The following CADPS2 variants were observed in gnomAD, a reference collection of about 807,000 sequenced individuals.
CADPS2 encodes calcium dependent secretion activator 2.
In CADPS2, 93 loss-of-function variants were observed where a neutral mutation model predicts 172.5. The observed-to-expected ratio is 0.54, with a 90% CI of 0.46 to 0.64. CADPS2 has a LOEUF of 0.64. Ranked by LOEUF, CADPS2 falls within the 30% of genes least tolerant of loss-of-function variation. The pLI, the probability that CADPS2 is intolerant of heterozygous loss-of-function variation, is 0.00. For missense variants in CADPS2, 1,420 were observed against 1,565.9 expected (o/e 0.91, Z 1.57); for synonymous variants, 546 against 555.2 (o/e 0.98, Z 0.23).
chr7:122,399,842 ACG>A (rs2045711180), intron 20 of CADPS2, among the ~76,000 whole-genome samples: 2 of 149,612 alleles, frequency 1.3e-5, no homozygotes, highest in Non-Finnish European at 3.0e-5. Context: ...GCCCGCCACT[ACG>A]CCCGGCTAAC....
intron 27 of CADPS2, among the ~76,000 whole-genome samples, chr7:122,345,918 C>CTTTTTTTTTT (rs71159791): frequency 2.9e-5 from 4 of 138,754 alleles, no homozygotes; most frequent in Non-Finnish European, 3.1e-5. Flanking sequence ...CCGTAGATAT[C>CTTTTTTTTTT]TTTTTTTTTT....
intron 5 of CADPS2, among the ~76,000 whole-genome samples, chr7:122,620,670 T>A (rs983327272): frequency 6.6e-6 from 1 of 152,164 alleles, no homozygotes; most frequent in Admixed American, 6.6e-5. Context: ...GTAATAAAAC[T>A]TGAAGTCCTG....
At chr7:122,564,521 C>T (rs1192239573) in intron 7 of CADPS2, among the ~76,000 whole-genome samples, 1 of 152,022 alleles carries the variant, frequency 6.6e-6, no homozygotes. Flanking sequence ...ACTGGCCAGG[C>T]TAGTCTCCAA....
chr7:122,863,150 T>C (rs577559852), intron 1 of CADPS2, among the ~76,000 whole-genome samples: 1 of 152,300 alleles, frequency 6.6e-6, no homozygotes, highest in East Asian at 1.9e-4. Context: ...GACATTGTTT[T>C]TCAAAATGGT....
chr7:122,748,775 T>A (rs2092826116), intron 1 of CADPS2, among the ~76,000 whole-genome samples: 1 of 152,086 alleles, frequency 6.6e-6, no homozygotes, highest in African/African-American at 2.4e-5. Context: ...ACTCTCAATA[T>A]GATAAACATT....
chr7:122,604,041 G>A (rs191101294), intron 6 of CADPS2, among the ~76,000 whole-genome samples: 1 of 152,238 alleles, frequency 6.6e-6, no homozygotes, highest in East Asian at 1.9e-4. Context: ...AAATAATCAT[G>A]TTGGATACCT....
chr7:122,720,553 T>G (rs984302753), intron 2 of CADPS2, among the ~76,000 whole-genome samples: 1 of 151,530 alleles, frequency 6.6e-6, no homozygotes, highest in African/African-American at 2.4e-5. Context: ...TGTATGTATA[T>G]ATGCATGTGT....
intron 24 of CADPS2, among the ~76,000 whole-genome samples, chr7:122,385,715 C>T (rs1312879101): frequency 2.0e-5 from 3 of 152,004 alleles, no homozygotes; most frequent in Admixed American, 6.6e-5. Context: ...CTCTTCCTTA[C>T]CTCTGATGAT....
chr7:122,609,255 A>G (rs912526391), intron 6 of CADPS2, among the ~76,000 whole-genome samples: 3 of 152,104 alleles, frequency 2.0e-5, no homozygotes, highest in Admixed American at 6.5e-5. Flanking sequence ...GAAAATAACA[A>G]ATCTTATTCT....
intron 3 of CADPS2, among the ~76,000 whole-genome samples, chr7:122,630,430 G>T (rs1373231752): frequency 6.6e-6 from 1 of 152,010 alleles, no homozygotes; most frequent in Non-Finnish European, 1.5e-5. Context: ...AAAGTCTGGA[G>T]GTGAGGAGGT....
In CADPS2 at chr7:122,702,728, G is replaced by T. The variant is rs757324524; in HGVS notation, c.453+34227C>A. ...AGATGAAACAGAACTATGCGTCGAA[G>T]GGGTAATTCTAAGGAAGCTCATGCC... On this transcript the variant is annotated intron_variant, in intron 2 of 29. Transcript: ENST00000449022. 3.1e-6 allele frequency: 5 copies of T among 1,606,464 alleles called. No individual in the cohort carries two copies. The African/African-American group carries it at 5.4e-5, about 17-fold the overall frequency.
chr7:122,795,855 G>A (rs1172318129), intron 1 of CADPS2, among the ~76,000 whole-genome samples: 2 of 152,084 alleles, frequency 1.3e-5, no homozygotes, highest in Non-Finnish European at 2.9e-5. Flanking sequence ...GGAAGTCCTG[G>A]CCAGGGCTGT....
At chr7:122,461,841 G>A (rs529660050) in intron 14 of CADPS2, among the ~76,000 whole-genome samples, 4 of 152,066 alleles carry the variant, frequency 2.6e-5, no homozygotes, top group South Asian at 4.1e-4. Context: ...TGATCCACCC[G>A]CCTCGGCCTC....
chr7:122,356,140 T>C (rs1213858064), intron 27 of CADPS2, among the ~76,000 whole-genome samples: 1 of 152,188 alleles, frequency 6.6e-6, no homozygotes, highest in African/African-American at 2.4e-5. Flanking sequence ...CCTTTTTCTC[T>C]TCCATGATAT....
intron 1 of CADPS2, among the ~76,000 whole-genome samples, chr7:122,796,832 C>T (rs1796475703): frequency 6.6e-6 from 1 of 151,600 alleles, no homozygotes; most frequent in Non-Finnish European, 1.5e-5. Context: ...GTGAAGACAC[C>T]AAAAGCAATC....
intron 1 of CADPS2, among the ~76,000 whole-genome samples, chr7:122,851,266 A>T (rs146531356): frequency 7.2e-4 from 110 of 152,252 alleles, no homozygotes; most frequent in Non-Finnish European, 1.3e-3. Flanking sequence ...TGCAGTCCCC[A>T]GGGATGTTCA....
intron 1 of CADPS2, among the ~76,000 whole-genome samples, chr7:122,861,141 T>C (rs1270152787): frequency 6.6e-6 from 1 of 152,214 alleles, no homozygotes; most frequent in East Asian, 1.9e-4. Flanking sequence ...TTGGATCACA[T>C]GGTAGTCCTA....
intron 9 of CADPS2, among the ~76,000 whole-genome samples, chr7:122,505,878 G>A (rs1268466934): frequency 6.6e-6 from 1 of 152,034 alleles, no homozygotes; most frequent in African/African-American, 2.4e-5. Flanking sequence ...CCCTTTGCAA[G>A]GTAATAATAA....
chr7:122,351,890 T>TATAATAAA (rs2038703418), intron 27 of CADPS2, among the ~76,000 whole-genome samples: 1 of 152,228 alleles, frequency 6.6e-6, no homozygotes, highest in Non-Finnish European at 1.5e-5. Flanking sequence ...TAGAAACAGT[T>TATAATAAA]ATGTAGCATT....
Sources: gnomAD v4.1 joint callset for allele counts (sites outside exome capture counted in the v4.1 genomes callset) on GRCh38, gnomAD v4.1.1 for gene constraint, MANE v1.5 for transcripts, NCBI Gene and HGNC (gene_info 2026-07-23, HGNC 2026-07-21) for gene names.